The following FEZ2 variants were observed in gnomAD, a reference collection of about 807,000 sequenced individuals.
FEZ2 encodes fasciculation and elongation protein zeta-2.
A neutral mutation model predicts 40.4 loss-of-function variants in FEZ2; 51 were observed. That is an observed-to-expected ratio of 1.26 (90% CI 1.01 to 1.59). The LOEUF is 1.59. FEZ2 is among the 40% of genes most tolerant of loss of function. The pLI is 0.00. For missense variants in FEZ2, 640 were observed against 438.3 expected (o/e 1.46, Z -4.11); for synonymous variants, 242 against 172.0 (o/e 1.41, Z -3.18).
chr2:36,596,606 G>A (rs1051015799), intron 1 of FEZ2, among the ~76,000 whole-genome samples: 1 of 152,018 alleles, frequency 6.6e-6, no homozygotes, highest in East Asian at 1.9e-4. Flanking sequence ...TGGGACCACG[G>A]GCATGCGCCA....
At chr2:36,577,914 C>T (rs1033430590) in intron 5 of FEZ2, among the ~76,000 whole-genome samples, 3 of 152,186 alleles carry the variant, frequency 2.0e-5, no homozygotes, top group Admixed American at 1.3e-4. Context: ...AACCATCATA[C>T]TCTAAAAATA....
At chr2:36,554,436 G>A (rs1221557744) in intron 7 of FEZ2, among the ~76,000 whole-genome samples, 1 of 152,054 alleles carries the variant, frequency 6.6e-6, no homozygotes, top group Non-Finnish European at 1.5e-5. Flanking sequence ...TAAAATTTAA[G>A]ACATGTTCTT....
intron 5 of FEZ2, among the ~76,000 whole-genome samples, chr2:36,571,486 C>A (rs1458715291): frequency 6.6e-6 from 1 of 151,690 alleles, no homozygotes; most frequent in African/African-American, 2.4e-5. Context: ...CTTGGTGAAA[C>A]CCCATCTCTA....
chr2:36,584,647 C>G (rs569566658), intron 2 of FEZ2, among the ~76,000 whole-genome samples: 1 of 152,114 alleles, frequency 6.6e-6, no homozygotes, highest in Non-Finnish European at 1.5e-5. Context: ...AAGAAGCCAC[C>G]ATGTCATTCT....
intron 2 of FEZ2, chr2:36,589,922 T>G (rs181610175): frequency 1.3e-5 from 2 of 152,350 alleles, no homozygotes; most frequent in East Asian, 3.9e-4. Context: ...AGATCTGGCA[T>G]GAGTTTACAT....
At chr2:36,559,351 C>T (rs1233086380) in intron 5 of FEZ2, 2 of 152,210 alleles carry the variant, frequency 1.3e-5, no homozygotes, top group Non-Finnish European at 2.9e-5. Context: ...CACATATGCT[C>T]ATATAGAAAG....
At position 36,577,400 on chromosome 2, in the gene FEZ2, G is replaced by T. The variant is rs563434365; in HGVS notation, c.903+1197C>A. The stretch of plus-strand genomic sequence containing the variant: ...AGCCTCCAGAGTAGCTGGAATTACA[G>T]GCATGCAGCACCACACCCGGCTAAT... On this transcript the variant is annotated intron_variant, in intron 5 of 7. Coordinates refer to ENST00000405912, the MANE Select transcript of FEZ2 (RefSeq NM_005102.3). 1.6e-4 allele frequency among the ~76,000 whole-genome samples: 24 copies of T among 152,164 alleles called. 1 individual carries two copies. The highest frequency in any genetic ancestry group is 4.3e-4 in the African/African-American group (18 of 41,496).
At chr2:36,589,265 G>A (rs374221411) in intron 2 of FEZ2, among the ~76,000 whole-genome samples, 9 of 152,176 alleles carry the variant, frequency 5.9e-5, no homozygotes, top group African/African-American at 2.2e-4. Context: ...GTGATCTGGG[G>A]ACTAGCACCC....
In FEZ2 at chr2:36,578,970, T is replaced by C. The variant is rs575618359; in HGVS notation, c.635-105A>G. On this transcript the variant is annotated intron_variant, in intron 4 of 7. Coordinates refer to ENST00000405912, the MANE Select transcript of FEZ2 (RefSeq NM_005102.3). ...ACTAAATAAACACCTATGTAATCAA[T>C]GCCAAAGAGCAAAAATCATATTCCA... The C allele has an allele frequency of 2.9e-5, 26 of 885,068 alleles. No individual in the cohort carries two copies. The South Asian group carries it at 3.2e-4, about 11-fold the overall frequency. 54.8% of individuals were successfully genotyped at this position (885,068 alleles called of 1,614,324 possible).
chr2:36,581,184 C>G (rs1485981989), intron 4 of FEZ2, 106 bp downstream of exon 4: 1 of 1,089,350 alleles, frequency 9.2e-7, no homozygotes, highest in African/African-American at 1.6e-5. Flanking sequence ...TGGACACAAA[C>G]ACAAACAGAA....
intron 7 of FEZ2, 121 bp from the exon 8 acceptor site, chr2:36,553,300 G>T: frequency 1.3e-6 from 1 of 742,416 alleles, no homozygotes; most frequent in South Asian, 1.8e-5. Flanking sequence ...TTAATGCAAA[G>T]ATCTATGTAG....
At chr2:36,566,956 ACTCT>A (rs3841897) in intron 5 of FEZ2, among the ~76,000 whole-genome samples, 7 of 150,348 alleles carry the variant, frequency 4.7e-5, no homozygotes, top group Non-Finnish European at 7.4e-5. Context: ...ACACACACAC[ACTCT>A]CTCTCTCTCT....
intron 6 of FEZ2, chr2:36,556,196 C>A: frequency 3.2e-6 from 1 of 309,246 alleles, no homozygotes. Context: ...CTCCAACAAG[C>A]GTATCCTGTC....
At chr2:36,576,548 G>A (rs1487885641) in intron 5 of FEZ2, among the ~76,000 whole-genome samples, 1 of 152,232 alleles carries the variant, frequency 6.6e-6, no homozygotes, top group Non-Finnish European at 1.5e-5. Flanking sequence ...TGGGATTACA[G>A]GCGTGAGCCA....
intron 3 of FEZ2, among the ~76,000 whole-genome samples, chr2:36,583,082 G>T (rs191556575): frequency 6.6e-6 from 1 of 152,260 alleles, no homozygotes; most frequent in East Asian, 1.9e-4. Context: ...TATTTTTCTG[G>T]TTTGGGGTTA....
At chr2:36,581,519 G>A in intron 3 of FEZ2, 88 bp from the exon 4 acceptor site, 2 of 1,148,482 alleles carry the variant, frequency 1.7e-6, no homozygotes, top group East Asian at 2.4e-5. Flanking sequence ...GGCACCCAGA[G>A]CAGAAATGCA....
intron 5 of FEZ2, among the ~76,000 whole-genome samples, chr2:36,563,663 T>C (rs1207471174): frequency 6.6e-6 from 1 of 152,152 alleles, no homozygotes; most frequent in African/African-American, 2.4e-5. Flanking sequence ...CCCTCTCTAC[T>C]AGCTCCTTCC....
chr2:36,553,432 G>C (rs554800700), intron 7 of FEZ2, among the ~76,000 whole-genome samples: 1 of 152,278 alleles, frequency 6.6e-6, no homozygotes, highest in South Asian at 2.1e-4. Context: ...CTTGGAGATA[G>C]AAGCCCCTAA....
chr2:36,585,527 G>A (rs1668876749), intron 2 of FEZ2, among the ~76,000 whole-genome samples: 1 of 152,128 alleles, frequency 6.6e-6, no homozygotes, highest in African/African-American at 2.4e-5. Flanking sequence ...AGAGCAGAAG[G>A]ACTAGATAGA....
Sources: gnomAD v4.1 joint callset for allele counts (sites outside exome capture counted in the v4.1 genomes callset) on GRCh38, gnomAD v4.1.1 for gene constraint, MANE v1.5 for transcripts, NCBI Gene and HGNC (gene_info 2026-07-23, HGNC 2026-07-21) for gene names.